Variants in PIK3C2G observed in about 807,000 individuals in gnomAD.
PIK3C2G encodes phosphatidylinositol-4-phosphate 3-kinase catalytic subunit type 2 gamma.
In PIK3C2G, 168 loss-of-function variants were observed where a neutral mutation model predicts 181.1. The observed-to-expected ratio is 0.93, with a 90% CI of 0.82 to 1.05. The LOEUF is 1.05. Among genes scored for constraint, PIK3C2G ranks in the 50% least tolerant of loss-of-function variants. PIK3C2G has a pLI of 0.00. For synonymous variants in PIK3C2G, 573 were observed against 592.2 expected, an observed-to-expected ratio of 0.97 and a Z score of 0.47; for missense variants, 1,869 against 1,732.8, an observed-to-expected ratio of 1.08 and a Z score of -1.40.
intron 29 of PIK3C2G, among the ~76,000 whole-genome samples, chr12:18,573,378 C>A (rs947076961): frequency 6.6e-6 from 1 of 152,184 alleles, no homozygotes; most frequent in Non-Finnish European, 1.5e-5. Context: ...GGCAGATTCA[C>A]CAGAAGCCTA....
At chr12:18,258,601 A>T (rs1362214224), upstream of PIK3C2G, among the ~76,000 whole-genome samples, 3 of 151,312 alleles carry the variant, frequency 2.0e-5, no homozygotes, top group Non-Finnish European at 4.4e-5. Context: ...GTTGGCGCAA[A>T]TGTCAGGATT....
chr12:18,608,913 A>C (rs956191939), intron 30 of PIK3C2G, among the ~76,000 whole-genome samples: 72 of 152,156 alleles, frequency 4.7e-4, no homozygotes, highest in African/African-American at 1.7e-3. Flanking sequence ...AGGGGGTGGG[A>C]GGAGTGAATG....
At chr12:18,305,280 G>A (rs567595207) in intron 5 of PIK3C2G, among the ~76,000 whole-genome samples, 1 of 152,224 alleles carries the variant, frequency 6.6e-6, no homozygotes, top group Non-Finnish European at 1.5e-5. Flanking sequence ...GCTAAATAAA[G>A]TTTGTTTATT....
At chr12:18,689,470 G>A in the PIK3C2G span, among the ~76,000 whole-genome samples, 17 of 152,214 alleles carry the variant, frequency 1.1e-4, no homozygotes, top group South Asian at 2.3e-3. Context: ...ATCAGCTATC[G>A]TTAGTGTTAG....
At chr12:18,666,949 CCA>C in the PIK3C2G span, among the ~76,000 whole-genome samples, 1 of 152,126 alleles carries the variant, frequency 6.6e-6, no homozygotes, top group South Asian at 2.1e-4. Context: ...AGGGTTTTAA[CCA>C]CAATTCCTTA....
At chr12:18,656,359 C>G in the PIK3C2G span, among the ~76,000 whole-genome samples, 1 of 151,982 alleles carries the variant, frequency 6.6e-6, no homozygotes, top group Non-Finnish European at 1.5e-5. Context: ...GGGTGGATCA[C>G]GAGCTCAGTA....
At chr12:18,666,821 TCTAAA>T in the PIK3C2G span, among the ~76,000 whole-genome samples, 21 of 152,206 alleles carry the variant, frequency 1.4e-4, no homozygotes, top group Admixed American at 1.4e-3. Context: ...CAGATGATAG[TCTAAA>T]CTGGTTATGT....
intron 12 of PIK3C2G, among the ~76,000 whole-genome samples, chr12:18,365,554 T>C (rs941801569): frequency 3.9e-5 from 6 of 152,186 alleles, no homozygotes; most frequent in African/African-American, 1.4e-4. Context: ...ACCCTCCATC[T>C]TGAAATTTGC....
chr12:18,433,923 T>C (rs757508577), intron 18 of PIK3C2G, among the ~76,000 whole-genome samples: 6 of 152,188 alleles, frequency 3.9e-5, no homozygotes, highest in Non-Finnish European at 8.8e-5. Context: ...GAAAATTGAA[T>C]GTCATCAGCT....
the PIK3C2G span, among the ~76,000 whole-genome samples, chr12:18,725,717 T>C: frequency 2.6e-5 from 4 of 152,160 alleles, no homozygotes; most frequent in Non-Finnish European, 4.4e-5. Context: ...GTGCTCTGAA[T>C]TAGTTGCAGT....
At chr12:18,642,451 C>G (rs1238919013) in intron 32 of PIK3C2G, among the ~76,000 whole-genome samples, 1 of 152,036 alleles carries the variant, frequency 6.6e-6, no homozygotes, top group African/African-American at 2.4e-5. Flanking sequence ...TTTGTTATCC[C>G]ATACTTAGCC....
chr12:18,524,902 T>C (rs1943138727), intron 24 of PIK3C2G, among the ~76,000 whole-genome samples: 1 of 152,114 alleles, frequency 6.6e-6, no homozygotes, highest in African/African-American at 2.4e-5. Flanking sequence ...AACAGATTTT[T>C]TTTTGAAGAT....
intron 5 of PIK3C2G, among the ~76,000 whole-genome samples, chr12:18,305,859 C>A (rs1453377460): frequency 6.6e-6 from 1 of 151,678 alleles, no homozygotes; most frequent in African/African-American, 2.4e-5. Context: ...CCATACCCCC[C>A]ACAAAAAGAG....
chr12:18,367,485 C>A (rs982159235), intron 12 of PIK3C2G, among the ~76,000 whole-genome samples: 1 of 152,112 alleles, frequency 6.6e-6, no homozygotes, highest in Non-Finnish European at 1.5e-5. Context: ...GCTAGAATTA[C>A]GTATTTGTCA....
intron 18 of PIK3C2G, among the ~76,000 whole-genome samples, chr12:18,478,528 G>A (rs570286189): frequency 6.6e-6 from 1 of 152,176 alleles, no homozygotes; most frequent in African/African-American, 2.4e-5. Context: ...CTTTGAAACT[G>A]TGATGTTGGT....
chr12:18,368,530 A>ACAT (rs747608918), intron 12 of PIK3C2G, among the ~76,000 whole-genome samples: 6 of 152,208 alleles, frequency 3.9e-5, no homozygotes, highest in Non-Finnish European at 7.3e-5. Context: ...TAACTCAATA[A>ACAT]CATCATACCC....
intron 1 of PIK3C2G, among the ~76,000 whole-genome samples, chr12:18,278,646 A>G (rs1393640719): frequency 6.6e-6 from 1 of 152,132 alleles, no homozygotes; most frequent in Non-Finnish European, 1.5e-5. Context: ...TGCCTTCTCA[A>G]ATATGTCACA....
the PIK3C2G span, chr12:18,701,379 G>T: frequency 1.3e-6 from 2 of 1,512,174 alleles, no homozygotes; most frequent in South Asian, 1.3e-5. Flanking sequence ...AATTGTAAAT[G>T]ATAGACTAGA....
intron 13 of PIK3C2G, among the ~76,000 whole-genome samples, chr12:18,373,651 C>A (rs2137895814): frequency 6.6e-6 from 1 of 152,176 alleles, no homozygotes; most frequent in East Asian, 1.9e-4. Flanking sequence ...AGATCGAGAC[C>A]ATCCTGGCTA....
Sources: allele counts gnomAD v4.1 joint callset (sites outside exome capture counted in the v4.1 genomes callset), GRCh38; gene constraint gnomAD v4.1.1; transcripts MANE v1.5; gene names NCBI Gene and HGNC (gene_info 2026-07-23, HGNC 2026-07-21).